Variants in ILDR1 observed in about 807,000 individuals in gnomAD.
ILDR1 encodes immunoglobulin-like domain-containing receptor 1.
ILDR1 carries 56 observed loss-of-function variants against 62.4 expected under a neutral mutation model. The observed-to-expected ratio is 0.90, with a 90% CI of 0.72 to 1.12. ILDR1 has a LOEUF of 1.12. Ranked by LOEUF, ILDR1 falls within the 50% of genes most tolerant of loss-of-function variation. The pLI is 0.00. For synonymous variants in ILDR1, 284 were observed against 277.8 expected (o/e 1.02, Z -0.22); for missense variants, 736 against 710.6 (o/e 1.04, Z -0.41).
the ILDR1 span, among the ~76,000 whole-genome samples, chr3:122,034,833 C>T: frequency 4.6e-5 from 7 of 152,160 alleles, no homozygotes; most frequent in African/African-American, 1.7e-4. Flanking sequence ...TGGATGGCAG[C>T]AGGCAAAGAG....
intron 7 of ILDR1, among the ~76,000 whole-genome samples, chr3:121,992,587 C>A (rs761732826): frequency 3.0e-4 from 45 of 152,164 alleles, no homozygotes; most frequent in Admixed American, 5.2e-4. Context: ...ATGTTTTGGC[C>A]CATATATGGA....
intron 7 of ILDR1, among the ~76,000 whole-genome samples, chr3:121,992,023 TCATG>T (rs2071355759): frequency 6.6e-6 from 1 of 152,232 alleles, no homozygotes; most frequent in Non-Finnish European, 1.5e-5. Context: ...GAAAAGATCT[TCATG>T]GGTAGCCTGT....
At chr3:122,038,214 A>G in the ILDR1 span, among the ~76,000 whole-genome samples, 2 of 152,210 alleles carry the variant, frequency 1.3e-5, no homozygotes, top group Admixed American at 6.5e-5. Flanking sequence ...ACTCTAATAA[A>G]CCAAGTAAAA....
Position 122,007,339 on chromosome 3 carries a change from C to T in ILDR1, c.59-178G>A, listed in dbSNP as rs879192119. The stretch of plus-strand genomic sequence containing the variant: ...GGCTATGGGTGGGGTGGGGTGAGAA[C>T]GCACTCAGCAGCCTCAGAGGGACAT... On this transcript the variant is annotated intron_variant, in intron 1 of 7. Transcript: ENST00000344209. The T allele has an allele frequency of 6.4e-5, 90 of 1,410,166 alleles. 3 individuals are homozygous for T. In the South Asian group the frequency reaches 7.0e-4, roughly 11 times the overall value. The allele number at this position is 1,410,166 out of a possible 1,614,324, so 87.4% of individuals were successfully genotyped here. A position where few individuals can be genotyped will look rare whatever the true frequency, so the allele number is the denominator to read the frequency against.
chr3:122,038,338 A>T, the ILDR1 span, among the ~76,000 whole-genome samples: 1 of 152,226 alleles, frequency 6.6e-6, no homozygotes, highest in Non-Finnish European at 1.5e-5. Context: ...GGGAGCAGAC[A>T]TTTAGAGAAA....
chr3:121,993,553 C>G lies in ILDR1; in HGVS notation c.1196G>C (p.Trp399Ser), dbSNP rs752483215. ...CCTAGAGCTACGGTGCCTTCCACTC[C>G]ACGATGGGTCCAACTCCCTTCTTTC... ...ALERRELDPS[W>S]SGRHRSSRLN... Residue 399 changes from tryptophan (W) to serine (S), a missense_variant, in exon 7 of 8, where the codon TGG (tryptophan) becomes TCG (serine). Physicochemically the swap from Trp to Ser is radical, Grantham distance 177. Transcript: ENST00000344209. The G allele has an allele frequency of 6.2e-7, 1 of 1,614,254 alleles. No homozygotes were observed. The highest frequency in any genetic ancestry group is 8.5e-7 in the Non-Finnish European group (1 of 1,180,036).
chr3:122,055,504 G>T, the ILDR1 span: 2 of 1,613,968 alleles, frequency 1.2e-6, no homozygotes, highest in Non-Finnish European at 1.7e-6. Context: ...ATCCCCAGTG[G>T]TGAGTAATAA....
At chr3:122,035,898 A>G in the ILDR1 span, among the ~76,000 whole-genome samples, 1 of 152,242 alleles carries the variant, frequency 6.6e-6, no homozygotes, top group African/African-American at 2.4e-5. Context: ...GAACTGGGTA[A>G]TAGGCAGAGG....
intron 1 of ILDR1, among the ~76,000 whole-genome samples, chr3:122,019,879 T>C (rs775583919): frequency 1.3e-5 from 2 of 152,224 alleles, no homozygotes; most frequent in Non-Finnish European, 2.9e-5. Flanking sequence ...TTTTCCAAAG[T>C]GCATATCACA....
chr3:122,012,581 C>T (rs1299380537), intron 1 of ILDR1, among the ~76,000 whole-genome samples: 1 of 152,128 alleles, frequency 6.6e-6, no homozygotes, highest in African/African-American at 2.4e-5. Context: ...AGAAGTTGAC[C>T]TAGCAAGTTA....
chr3:121,994,329 G>A lies in ILDR1; in HGVS notation c.647-16C>T, dbSNP rs1314321257. On this transcript the variant is annotated splice_polypyrimidine_tract_variant and intron_variant, in intron 5 of 7. Coordinates refer to ENST00000344209, the MANE Select transcript of ILDR1 (RefSeq NM_001199799.2). Reference sequence around the variant, plus strand: ...CGGGCCAGGGCTGCAGGGAAAGAAGGAGAAATGCAGGCCCTCAGCCAGGGC... The same window carrying A: ...CGGGCCAGGGCTGCAGGGAAAGAAGAAGAAATGCAGGCCCTCAGCCAGGGC... The A allele has an allele frequency of 2.0e-6, 3 of 1,528,432 alleles. No homozygotes were observed. The highest frequency in any genetic ancestry group is 2.5e-5 in the East Asian group (1 of 40,712). The allele number at this position is 1,528,432 out of a possible 1,614,324, so 94.7% of individuals were successfully genotyped here.
chr3:122,005,855 C>T (rs1475157662), intron 2 of ILDR1, among the ~76,000 whole-genome samples: 4 of 151,932 alleles, frequency 2.6e-5, no homozygotes, highest in South Asian at 2.1e-4. Flanking sequence ...GTTGAGATCA[C>T]GCCATTGCAC....
intron 3 of ILDR1, among the ~76,000 whole-genome samples, 167 bp downstream of exon 3, chr3:122,005,077 T>C (rs189655128): frequency 6.6e-6 from 1 of 152,292 alleles, no homozygotes; most frequent in African/African-American, 2.4e-5. Flanking sequence ...CTTCAGCTGG[T>C]GCAGCACATT....
the ILDR1 span, among the ~76,000 whole-genome samples, chr3:122,031,760 C>A: frequency 6.6e-6 from 1 of 152,162 alleles, no homozygotes; most frequent in African/African-American, 2.4e-5. Context: ...GACTTCACAG[C>A]CTTCAGAACT....
chr3:122,036,250 A>G, the ILDR1 span, among the ~76,000 whole-genome samples: 1 of 152,212 alleles, frequency 6.6e-6, no homozygotes, highest in African/African-American at 2.4e-5. Flanking sequence ...ACGTACATTC[A>G]TATGCATGAA....
chr3:122,023,788 A>ACAGCAG (rs150002932), upstream of ILDR1, among the ~76,000 whole-genome samples: 5 of 151,332 alleles, frequency 3.3e-5, no homozygotes, highest in South Asian at 2.1e-4. Context: ...GGATCCTAGC[A>ACAGCAG]CAGCAGCAGC....
chr3:121,991,615 G>A (rs1433200723), intron 7 of ILDR1, among the ~76,000 whole-genome samples: 1 of 152,184 alleles, frequency 6.6e-6, no homozygotes, highest in Non-Finnish European at 1.5e-5. Context: ...GCTTAGCAAG[G>A]GGTAGCTATT....
At chr3:122,022,311 T>C, upstream of ILDR1, 2 of 430,812 alleles carry the variant, frequency 4.6e-6, no homozygotes, top group Non-Finnish European at 4.1e-6. Context: ...CGCCGTTTCC[T>C]GCTCCGCCCC....
the ILDR1 span, among the ~76,000 whole-genome samples, chr3:122,040,594 T>C: frequency 6.6e-6 from 1 of 151,400 alleles, no homozygotes; most frequent in East Asian, 1.9e-4. Context: ...AGATTATAGA[T>C]CAATAGAGAG....
Sources: allele counts gnomAD v4.1 joint callset (sites outside exome capture counted in the v4.1 genomes callset), GRCh38; gene constraint gnomAD v4.1.1; transcripts MANE v1.5; gene names NCBI Gene and HGNC (gene_info 2026-07-23, HGNC 2026-07-21).